The following CCDC92 variants were observed in gnomAD, a reference collection of about 807,000 sequenced individuals.
CCDC92 encodes coiled-coil domain containing 92.
Under a neutral mutation model 24.9 loss-of-function variants are expected in CCDC92, and 12 were observed. The ratio of observed to expected loss-of-function variants is 0.48; its 90% CI spans 0.31 to 0.78. The LOEUF (loss-of-function observed/expected upper bound fraction) is 0.78. Ranked by LOEUF, CCDC92 falls within the 30% of genes least tolerant of loss-of-function variation. The pLI is 0.05. For missense variants in CCDC92, 399 were observed against 439.4 expected (o/e 0.91, Z 0.82); for synonymous variants, 193 against 196.3 (o/e 0.98, Z 0.14).
intron 4 of CCDC92, among the ~76,000 whole-genome samples, chr12:123,939,332 C>T (rs138544382): frequency 6.1e-4 from 93 of 152,366 alleles, no homozygotes; most frequent in African/African-American, 2.1e-3. Context: ...CGCCGCCAGA[C>T]TCTGAGCTTT....
At chr12:123,971,560 C>T (rs868524871) in intron 1 of CCDC92, 1 of 152,206 alleles carries the variant, frequency 6.6e-6, no homozygotes, top group African/African-American at 2.4e-5. Flanking sequence ...TAAAGTATTA[C>T]AGCGTGGTAG....
chr12:123,968,243 G>A (rs1278976160), intron 1 of CCDC92: 3 of 152,168 alleles, frequency 2.0e-5, no homozygotes, highest in Admixed American at 2.0e-4. Flanking sequence ...AGTTCTTTCT[G>A]ATAAAGCAGT....
In CCDC92 at chr12:123,967,472, G is replaced by T. The variant is rs117569122; in HGVS notation, c.-60+5057C>A. Among the ~76,000 whole-genome samples, 3 of 152,342 alleles carry T rather than the reference G, an allele frequency of 2.0e-5. No individual in the cohort carries two copies. The East Asian group carries it at 5.8e-4, about 29-fold the overall frequency. On this transcript the variant is annotated intron_variant, in intron 1 of 4. Coordinates refer to ENST00000238156, the MANE Select transcript of CCDC92 (RefSeq NM_025140.3). ...TCCCACGCTACTAGCCACCGAGGCAGAAACACTAGCAGTGCCTTTCATCTG... is the reference window on the plus strand; with the variant it reads ...TCCCACGCTACTAGCCACCGAGGCATAAACACTAGCAGTGCCTTTCATCTG...
At chr12:123,945,664 T>A (rs1457761041) in intron 1 of CCDC92, 1 of 152,114 alleles carries the variant, frequency 6.6e-6, no homozygotes, top group Non-Finnish European at 1.5e-5. Context: ...CACTCAGCAA[T>A]CCGGAGTCGT....
chr12:123,949,522 T>C (rs1434420792), intron 1 of CCDC92, among the ~76,000 whole-genome samples: 3 of 152,176 alleles, frequency 2.0e-5, no homozygotes, highest in African/African-American at 7.2e-5. Flanking sequence ...CCAGGTGACT[T>C]TGCACAGCTC....
chr12:123,941,925 C>T (rs771651978), intron 4 of CCDC92, among the ~76,000 whole-genome samples: 6 of 152,366 alleles, frequency 3.9e-5, no homozygotes, highest in East Asian at 3.9e-4. Flanking sequence ...TAAATGTCCT[C>T]GTCTCCTTTG....
chr12:123,959,038 A>G (rs1956214398), intron 1 of CCDC92, among the ~76,000 whole-genome samples: 1 of 152,202 alleles, frequency 6.6e-6, no homozygotes, highest in African/African-American at 2.4e-5. Context: ...GCGGCATAGC[A>G]GGGTAGGATT....
chr12:123,957,237 G>T (rs1039821453), intron 1 of CCDC92, among the ~76,000 whole-genome samples: 1 of 152,220 alleles, frequency 6.6e-6, no homozygotes, highest in African/African-American at 2.4e-5. Flanking sequence ...AAATTCTTAG[G>T]TTGGATGTTT....
chr12:123,940,326 G>T (rs1048042512), intron 4 of CCDC92, among the ~76,000 whole-genome samples: 2 of 152,138 alleles, frequency 1.3e-5, no homozygotes, highest in Non-Finnish European at 2.9e-5. Flanking sequence ...GGTTCTTTTC[G>T]CCACAGCATC....
At chr12:123,964,343 T>C (rs1227913284) in intron 1 of CCDC92, among the ~76,000 whole-genome samples, 3 of 152,062 alleles carry the variant, frequency 2.0e-5, no homozygotes, top group African/African-American at 2.4e-5. Context: ...TTAGTACTTT[T>C]AAAGAAAATC....
At chr12:123,965,276 A>T (rs1690250019) in intron 1 of CCDC92, among the ~76,000 whole-genome samples, 1 of 152,214 alleles carries the variant, frequency 6.6e-6, no homozygotes, top group African/African-American at 2.4e-5. Flanking sequence ...ACTTGTGTAT[A>T]ACTGAGGAGA....
chr12:123,939,697 T>A (rs1302075127), intron 4 of CCDC92, among the ~76,000 whole-genome samples: 1 of 152,248 alleles, frequency 6.6e-6, no homozygotes, highest in Non-Finnish European at 1.5e-5. Context: ...CATGCAGTAC[T>A]ACCTTTCATG....
intron 4 of CCDC92, among the ~76,000 whole-genome samples, chr12:123,939,739 T>G (rs1955628942): frequency 6.6e-6 from 1 of 152,148 alleles, no homozygotes; most frequent in African/African-American, 2.4e-5. Flanking sequence ...GGAAAATAGA[T>G]CCTAAAACAC....
chr12:123,965,557 ATACT>A (rs1362192218), intron 1 of CCDC92, among the ~76,000 whole-genome samples: 25 of 152,168 alleles, frequency 1.6e-4, no homozygotes, highest in African/African-American at 5.8e-4. Context: ...TTTTGGAAAT[ATACT>A]TCCTTTGGTG....
At chr12:123,967,612 AG>A (rs1956424168) in intron 1 of CCDC92, among the ~76,000 whole-genome samples, 1 of 152,178 alleles carries the variant, frequency 6.6e-6, no homozygotes, top group African/African-American at 2.4e-5. Flanking sequence ...AAATATGGAG[AG>A]CCTAAGATAA....
intron 1 of CCDC92, among the ~76,000 whole-genome samples, chr12:123,958,292 A>G (rs1010651870): frequency 6.6e-6 from 1 of 151,972 alleles, no homozygotes; most frequent in Non-Finnish European, 1.5e-5. Flanking sequence ...ACCTCAGGTG[A>G]TCCTCCTGCC....
chr12:123,971,431 AAAAAG>A (rs1210148628), intron 1 of CCDC92: 25 of 152,224 alleles, frequency 1.6e-4, no homozygotes, highest in East Asian at 5.8e-4. Context: ...AAAAAAAAAA[AAAAAG>A]AAAAGTCGTT....
At position 123,937,100 on chromosome 12, in the gene CCDC92, GC is replaced by G; in HGVS notation, c.953del (p.Gly318AlafsTer4). The G allele has an allele frequency of 6.2e-7, 1 of 1,613,894 alleles. No individual in the cohort carries two copies. Among genetic ancestry groups the G allele is most frequent in the Non-Finnish European group, 8.5e-7 (1 of 1,180,026 alleles). On this transcript the variant is annotated frameshift_variant, in exon 5 of 5. Transcript: ENST00000238156. LOFTEE classifies it high-confidence loss of function. The surrounding 1 kb of genome is among the most constrained non-coding windows in gnomAD (Gnocchi z 8.4). ...TCCCTGAGTGCTTCCTCACCACCTT[GC>G]CTCCGTTCACCTGGTCGACCGCCAG... ...KTLAVDQVNG[G>X]KVVRKHSGTD...
rs1245218064 is a variant in CCDC92 at position 123,935,861 on chromosome 12, G to C, written c.*1197C>G. 5.9e-6 allele frequency: 1 copy of C among 169,618 alleles called. No individual in the cohort carries two copies. Among genetic ancestry groups the C allele is most frequent in the Admixed American group, 5.8e-5 (1 of 17,148 alleles). 10.5% of individuals were successfully genotyped at this position (169,618 alleles called of 1,614,324 possible). A position where few individuals can be genotyped will look rare whatever the true frequency, so the allele number is the denominator to read the frequency against. ...TCGATGATCCAGGTCTGTTTCAGCA[G>C]ATGCTCCTTTTTGGCAAGAAGGGCT... On this transcript the variant is annotated 3_prime_UTR_variant, in exon 5 of 5. Coordinates refer to ENST00000238156, the MANE Select transcript of CCDC92 (RefSeq NM_025140.3).
Sources: allele counts gnomAD v4.1 joint callset (sites outside exome capture counted in the v4.1 genomes callset), GRCh38; gene constraint gnomAD v4.1.1; non-coding constraint Gnocchi (gnomAD v3.1); transcripts MANE v1.5; gene names NCBI Gene and HGNC (gene_info 2026-07-23, HGNC 2026-07-21).